Variants in ADAM33 observed in about 807,000 individuals in gnomAD.
ADAM33 encodes ADAM metallopeptidase domain 33, also known as disintegrin and metalloproteinase domain-containing protein 33.
ADAM33 carries 103 observed loss-of-function variants against 106.2 expected under a neutral mutation model. That is an observed-to-expected ratio of 0.97 (90% CI 0.83 to 1.14). ADAM33 has a LOEUF of 1.14. Among genes scored for constraint, ADAM33 ranks in the 50% most tolerant of loss-of-function variants. The pLI, the probability that ADAM33 is intolerant of heterozygous loss-of-function variation, is 0.00. For synonymous variants in ADAM33, 483 were observed against 453.0 expected, an observed-to-expected ratio of 1.07 and a Z score of -0.84; for missense variants, 1,120 against 1,096.6, an observed-to-expected ratio of 1.02 and a Z score of -0.30.
chr20:3,678,474 C>A (rs1211856230), intron 2 of ADAM33, among the ~76,000 whole-genome samples: 1 of 152,198 alleles, frequency 6.6e-6, no homozygotes, highest in Non-Finnish European at 1.5e-5. Context: ...ATGGGGAGGG[C>A]AATCTCAAAG....
chr20:3,676,914 C>T (rs987402775), intron 3 of ADAM33, 153 bp downstream of exon 3: 13 of 794,668 alleles, frequency 1.6e-5, no homozygotes, highest in Admixed American at 6.8e-5. Context: ...CTTCAGCCTC[C>T]AGGGAGCCAA....
At position 3,671,902 on chromosome 20, in the gene ADAM33, C is replaced by A. The variant is rs529300249; in HGVS notation, c.1681G>T (p.Gly561Cys). The A allele has an allele frequency of 3.9e-6, 6 of 1,554,050 alleles. No homozygotes were observed. The South Asian group carries it at 5.9e-5, about 15-fold the overall frequency. ...AHGNCGQDSE[G>C]HFLPCAGRDA... Reference sequence around the variant, plus strand: ...CTCCCTGCACAGGGCAGGAAGTGGCCCTCGCTGTCCTGGCCGCAGTTTCCA... The same window carrying A: ...CTCCCTGCACAGGGCAGGAAGTGGCACTCGCTGTCCTGGCCGCAGTTTCCA... The change falls in exon 15 of 22, where the codon GGC becomes TGC. Residue 561 changes from glycine (G) to cysteine (C), a missense_variant. Coordinates refer to ENST00000356518, the MANE Select transcript of ADAM33 (RefSeq NM_025220.5).
chr20:3,671,386 C>A (rs777606772), intron 17 of ADAM33, 33 bp downstream of exon 17: 16 of 1,611,284 alleles, frequency 9.9e-6, no homozygotes, highest in East Asian at 2.2e-5. Context: ...GGATTAGGAA[C>A]CCCAAGGTCA....
chr20:3,672,055 T>C, intron 14 of ADAM33, 70 bp from the exon 15 acceptor site: 2 of 1,565,978 alleles, frequency 1.3e-6, no homozygotes, highest in Non-Finnish European at 1.7e-6. Flanking sequence ...CAGTTTCCCC[T>C]GCCCATCTTC....
chr20:3,676,460 G>A (rs1188594077), intron 3 of ADAM33, among the ~76,000 whole-genome samples: 3 of 145,824 alleles, frequency 2.1e-5, no homozygotes, highest in South Asian at 2.2e-4. Context: ...TTTTTGAGAC[G>A]GAGTCTCACT....
chr20:3,672,051 C>T lies in ADAM33; in HGVS notation c.1598-66G>A. 3.2e-6 allele frequency: 5 copies of T among 1,562,600 alleles called. No homozygotes were observed. In the South Asian group the frequency reaches 4.7e-5, roughly 15 times the overall value. ...GGCTGCGCTCAGCGGGCCTCAGTTT[C>T]CCCTGCCCATCTTCCCCACAGTAGA... On this transcript the variant is annotated intron_variant, in intron 14 of 21. Coordinates refer to ENST00000356518, the MANE Select transcript of ADAM33 (RefSeq NM_025220.5).
intron 19 of ADAM33, 46 bp downstream of exon 19, chr20:3,670,960 G>T: frequency 6.6e-7 from 1 of 1,510,674 alleles, no homozygotes; most frequent in South Asian, 1.3e-5. Context: ...GCTCTGAGGA[G>T]GGGAACCGCA....
At position 3,671,648 on chromosome 20, in the gene ADAM33, G is replaced by A. The variant is rs764722168; in HGVS notation, c.1838C>T (p.Pro613Leu). The A allele has an allele frequency of 1.3e-6, 2 of 1,579,138 alleles. No individual in the cohort carries two copies. The highest frequency in any genetic ancestry group is 1.4e-5 in the African/African-American group (1 of 73,938). The change falls in exon 16 of 22, where the codon CCC (proline) becomes CTC (leucine). Residue 613 changes from proline to leucine, a missense_variant. Transcript: ENST00000356518. ...EVTCRGALAL[P>L]SAQLDLLGLG... Reference sequence around the variant, plus strand: ...GCCAAGCAGGTCCAGCTGGGCACTGGGGAGTGCCAAGGCTCCCCGACAAGT... The same window carrying A: ...GCCAAGCAGGTCCAGCTGGGCACTGAGGAGTGCCAAGGCTCCCCGACAAGT...
At position 3,672,803 on chromosome 20, in the gene ADAM33, T is replaced by A; in HGVS notation, c.1229A>T (p.Asp410Val). 6.3e-7 allele frequency: 1 copy of A among 1,575,534 alleles called. No homozygotes were observed. Among genetic ancestry groups the A allele is most frequent in the Non-Finnish European group, 8.6e-7 (1 of 1,163,168 alleles). ...GGGACLSNAP[D>V]PGLPVPPALC... Reference sequence around the variant, plus strand: ...CGCCGGCGGCACCGGGAGTCCGGGGTCCGGGGCATTGGAGAGGCAAGCGCC... The same window carrying A: ...CGCCGGCGGCACCGGGAGTCCGGGGACCGGGGCATTGGAGAGGCAAGCGCC... The change falls in exon 12 of 22, where the codon GAC becomes GTC. Residue 410 changes from aspartate (D) to valine (V), a missense_variant. By Grantham distance (152) the Asp-to-Val change is radical. Coordinates refer to ENST00000356518, the MANE Select transcript of ADAM33 (RefSeq NM_025220.5).
At chr20:3,669,988 C>T (rs2087425468) in intron 19 of ADAM33, 3 of 454,070 alleles carry the variant, frequency 6.6e-6, no homozygotes, top group African/African-American at 2.0e-5. Flanking sequence ...TCTCCTTGCC[C>T]CTGGGTGCCC....
Position 3,669,550 on chromosome 20 carries a change from G to T in ADAM33, c.2328C>A (p.Pro776=). Residue 776 remains proline, a synonymous_variant, in exon 20 of 22, where the codon CCC becomes CCA. Coordinates refer to ENST00000356518, the MANE Select transcript of ADAM33 (RefSeq NM_025220.5). The part of the protein sequence containing the change: ...LGPTATGQPW[P]LDPENSHEPS... ...TCCCCCTGGTGCCTCACTCACCCAG[G>T]GGCCAGGGCTGTCCAGTGGCTGTGG... 1 of 1,587,344 alleles carries T rather than the reference G, an allele frequency of 6.3e-7. No individual in the cohort carries two copies.
chr20:3,674,740 A>G, intron 5 of ADAM33, 33 bp downstream of exon 5: 1 of 1,594,284 alleles, frequency 6.3e-7, no homozygotes, highest in Middle Eastern at 1.7e-4. Flanking sequence ...CTCTTTCCCC[A>G]TCCCAGGCCC....
At position 3,675,428 on chromosome 20, in the gene ADAM33, G is replaced by A. The variant is rs1298573995; in HGVS notation, c.255-323C>T. Among the ~76,000 whole-genome samples the A allele has an allele frequency of 2.0e-5, 3 of 152,104 alleles. No individual in the cohort carries two copies. Among genetic ancestry groups the A allele is most frequent in the Non-Finnish European group, 2.9e-5 (2 of 68,008 alleles). Reference sequence around the variant, plus strand: ...AGCAGGCAGCAGGATCCACAGGATCGGGAGGGGAGGAGTCAGGAGACACTG... The same window carrying A: ...AGCAGGCAGCAGGATCCACAGGATCAGGAGGGGAGGAGTCAGGAGACACTG... On this transcript the variant is annotated intron_variant, in intron 3 of 21. Transcript: ENST00000356518. This position sits in a 1 kb window ranked among gnomAD's most constrained non-coding sequence, Gnocchi z 4.1.
chr20:3,679,835 T>C (rs1462914959), intron 1 of ADAM33, among the ~76,000 whole-genome samples: 1 of 151,920 alleles, frequency 6.6e-6, no homozygotes, highest in Non-Finnish European at 1.5e-5. Context: ...CCCCTGACCT[T>C]TGTCGGGGGG....
Position 3,679,520 on chromosome 20 carries a change from GGTTGTCCATCCAGGACCCA to G in ADAM33, c.130_148del (p.Trp44ProfsTer44). The G allele has an allele frequency of 1.2e-6, 2 of 1,610,730 alleles. No homozygotes were observed. The highest frequency in any genetic ancestry group is 1.7e-6 in the Non-Finnish European group (2 of 1,178,686). On this transcript the variant is annotated frameshift_variant, in exon 2 of 22. Transcript: ENST00000356518. LOFTEE classifies it high-confidence loss of function. ...CTCCTCCAGGCTGACGGTGCGCCAG[GGTTGTCCATCCAGGACCCA>G]GTGCGGGGTGACTGGCTGCCCAGGG...
In ADAM33 at chr20:3,681,970, G is replaced by C. The variant is rs1247883482; in HGVS notation, c.35C>G (p.Pro12Arg). 3 of 1,549,144 alleles carry C rather than the reference G, an allele frequency of 1.9e-6. No homozygotes were observed. The highest frequency in any genetic ancestry group is 1.2e-5 in the South Asian group (1 of 84,078). Residue 12 changes from proline to arginine, a missense_variant, in exon 1 of 22, where the codon CCG becomes CGG. Physicochemically the swap from Pro to Arg is moderately radical, Grantham distance 103. Transcript: ENST00000356518. ...GWRPRRARGT[P>R]LLLLLLLLLL... ...CAGCAGTAGTAGCAGCAGCAGCAAC[G>C]GGGTCCCCCGAGCTCTCCGGGGCCT...
At position 3,668,918 on chromosome 20, in the gene ADAM33, CAG is replaced by C. The variant is rs111467497; in HGVS notation, c.*43_*44del. 1 of 1,608,638 alleles carries C rather than the reference CAG, an allele frequency of 6.2e-7. No individual in the cohort carries two copies. Among genetic ancestry groups the C allele is most frequent in the African/African-American group, 1.3e-5 (1 of 74,894 alleles). ...CAGTTCAAGTTCCTGGAGTGGCTGT[CAG>C]TGGCCACCTGTCTTTAAATCTGTTC... On this transcript the variant is annotated 3_prime_UTR_variant, in exon 22 of 22. Coordinates refer to ENST00000356518, the MANE Select transcript of ADAM33 (RefSeq NM_025220.5).
At chr20:3,676,946 C>T in intron 3 of ADAM33, 121 bp downstream of exon 3, 1 of 1,060,704 alleles carries the variant, frequency 9.4e-7, no homozygotes, top group East Asian at 3.1e-5. Context: ...CGTGACTCTC[C>T]CTGTCATCTG....
chr20:3,672,204 C>G lies in ADAM33; in HGVS notation c.1527G>C (p.Arg509Ser). Residue 509 changes from arginine (R) to serine (S), a missense_variant, in exon 14 of 22, where the codon AGG (arginine) becomes AGC (serine). Coordinates refer to ENST00000356518, the MANE Select transcript of ADAM33 (RefSeq NM_025220.5). ...VYLLDGSPCA[R>S]GSGYCWDGAC... ...CGCCATCCCAGCAGTAGCCACTGCC[C>G]CTGGCACAGGGTGAGCCGTCCAGTA... The G allele has an allele frequency of 4.3e-6, 7 of 1,613,438 alleles. No homozygotes were observed. The highest frequency in any genetic ancestry group is 5.9e-6 in the Non-Finnish European group (7 of 1,180,028).
Sources: allele counts gnomAD v4.1 joint callset (sites outside exome capture counted in the v4.1 genomes callset), GRCh38; gene constraint gnomAD v4.1.1; non-coding constraint Gnocchi (gnomAD v3.1); transcripts MANE v1.5; gene names NCBI Gene and HGNC (gene_info 2026-07-23, HGNC 2026-07-21).